The following JARID2 variants were observed in gnomAD, a reference collection of about 807,000 sequenced individuals.
JARID2 encodes protein Jumonji.
Under a neutral mutation model 125.6 loss-of-function variants are expected in JARID2, and 21 were observed. The observed-to-expected ratio is 0.17, with a 90% CI of 0.12 to 0.24. The LOEUF is 0.24. Among genes scored for constraint, JARID2 ranks in the 10% least tolerant of loss-of-function variants. The pLI is 1.00. For synonymous variants in JARID2, 736 were observed against 661.6 expected (o/e 1.11, Z -1.73); for missense variants, 1,303 against 1,639.6 (o/e 0.79, Z 3.55).
intron 1 of JARID2, among the ~76,000 whole-genome samples, chr6:15,301,978 CAA>C (rs1305395649): frequency 6.6e-6 from 1 of 152,142 alleles, no homozygotes; most frequent in Middle Eastern, 3.2e-3. Context: ...AAGTATATGT[CAA>C]GAGAAAGAAT....
chr6:15,324,051 G>A (rs1040242648), intron 1 of JARID2, among the ~76,000 whole-genome samples: 4 of 151,838 alleles, frequency 2.6e-5, no homozygotes, highest in Non-Finnish European at 4.4e-5. Context: ...GCGTGGTGGC[G>A]GGCGCCTGTA....
rs141757673 is a variant in JARID2 at position 15,367,771 on chromosome 6, G to A, written c.46-6346G>A. ...GAGAAATCATGATTATTAAATGCAG[G>A]TGGTGCTGAGCTCACTGCCCAACTC... On this transcript the variant is annotated intron_variant, in intron 1 of 17. Coordinates refer to ENST00000341776, the MANE Select transcript of JARID2 (RefSeq NM_004973.4). Among the ~76,000 whole-genome samples, 98 of 152,302 alleles carry A rather than the reference G, an allele frequency of 6.4e-4. 1 individual carries two copies. The East Asian group carries it at 0.018, about 28-fold the overall frequency.
intron 3 of JARID2, among the ~76,000 whole-genome samples, chr6:15,411,201 C>T (rs182348418): frequency 1.2e-4 from 19 of 152,024 alleles, no homozygotes; most frequent in Non-Finnish European, 2.6e-4. Context: ...AAAAATCCCC[C>T]TTGTCAGTTC....
At chr6:15,495,891 A>G (rs16876519) in intron 6 of JARID2, among the ~76,000 whole-genome samples, 23,045 of 152,260 alleles carry the variant, frequency 0.15, 1,909 homozygotes, top group African/African-American at 0.19. Context: ...GGCAGTTTGC[A>G]TACTTCTGTG....
chr6:15,517,402 G>C lies in JARID2; in HGVS notation c.3558+134G>C, dbSNP rs557526208. ...GGGCTCTGCAGGCCTGAGGTGCCCT[G>C]TTCTTAGGCCCTAAACCCATTCAGG... On this transcript the variant is annotated intron_variant, in intron 17 of 17. Coordinates refer to ENST00000341776, the MANE Select transcript of JARID2 (RefSeq NM_004973.4). 284 of 655,632 alleles carry C rather than the reference G, an allele frequency of 4.3e-4. 3 individuals are homozygous for C. In the South Asian group the frequency reaches 4.8e-3, roughly 11 times the overall value. 40.6% of individuals were successfully genotyped at this position (655,632 alleles called of 1,614,324 possible).
intron 1 of JARID2, among the ~76,000 whole-genome samples, chr6:15,253,168 A>G (rs958810296): frequency 6.6e-6 from 1 of 151,616 alleles, no homozygotes; most frequent in Admixed American, 6.6e-5. Context: ...GGTTCAAGCT[A>G]TTCTCCCGCC....
chr6:15,361,391 A>T (rs1024159823), intron 1 of JARID2, among the ~76,000 whole-genome samples: 1 of 152,142 alleles, frequency 6.6e-6, no homozygotes, highest in Admixed American at 6.5e-5. Flanking sequence ...TCCCATTTAG[A>T]GCAAATTTCT....
chr6:15,326,774 A>G (rs972391684), intron 1 of JARID2, among the ~76,000 whole-genome samples: 1 of 152,216 alleles, frequency 6.6e-6, no homozygotes, highest in Non-Finnish European at 1.5e-5. Context: ...GTTCTGGGAT[A>G]ATAGGCGTCA....
intron 5 of JARID2, among the ~76,000 whole-genome samples, chr6:15,469,551 T>A (rs1371033032): frequency 1.3e-5 from 2 of 150,394 alleles, no homozygotes; most frequent in African/African-American, 2.4e-5. Flanking sequence ...TCCTGCCTCA[T>A]CCTCCTGAGT....
At chr6:15,469,756 C>A (rs1171434047) in intron 5 of JARID2, among the ~76,000 whole-genome samples, 1 of 151,946 alleles carries the variant, frequency 6.6e-6, no homozygotes, top group African/African-American at 2.4e-5. Flanking sequence ...TAGGCAATTC[C>A]CTGACCGAAG....
chr6:15,426,699 A>G (rs1054275607), intron 3 of JARID2, among the ~76,000 whole-genome samples: 4 of 152,194 alleles, frequency 2.6e-5, no homozygotes, highest in African/African-American at 9.7e-5. Flanking sequence ...ACCTTAGTAA[A>G]TGAAAAACAA....
chr6:15,416,008 C>T (rs967838553), intron 3 of JARID2, among the ~76,000 whole-genome samples: 4 of 149,640 alleles, frequency 2.7e-5, no homozygotes, highest in South Asian at 2.1e-4. Context: ...ACCTCCCAGA[C>T]GGGGTCATGG....
At chr6:15,506,405 CA>C in intron 9 of JARID2, among the ~76,000 whole-genome samples, 2 of 152,338 alleles carry the variant, frequency 1.3e-5, no homozygotes, top group East Asian at 3.9e-4. Context: ...AGTCACACAG[CA>C]TTGAGGAAAG....
chr6:15,477,887 G>A (rs1354603857), intron 5 of JARID2, among the ~76,000 whole-genome samples: 2 of 152,148 alleles, frequency 1.3e-5, no homozygotes, highest in African/African-American at 4.8e-5. Context: ...TATCTCAAAT[G>A]CCTGGGGCAC....
At chr6:15,356,225 T>G (rs978838511) in intron 1 of JARID2, among the ~76,000 whole-genome samples, 2 of 152,214 alleles carry the variant, frequency 1.3e-5, no homozygotes, top group Admixed American at 1.3e-4. Context: ...ACAGTTGGGT[T>G]GTTTATACTT....
chr6:15,517,087 G>A (rs1771597890), intron 16 of JARID2, 74 bp from the exon 17 acceptor site: 7 of 1,114,552 alleles, frequency 6.3e-6, no homozygotes, highest in Admixed American at 3.4e-5. Flanking sequence ...CCGGCCGGGC[G>A]TGCTCCTACC....
At chr6:15,333,941 G>C (rs1440532405) in intron 1 of JARID2, among the ~76,000 whole-genome samples, 1 of 152,084 alleles carries the variant, frequency 6.6e-6, no homozygotes, top group East Asian at 1.9e-4. Context: ...AGAATAGAAG[G>C]GTGCTTCCCC....
intron 3 of JARID2, among the ~76,000 whole-genome samples, chr6:15,442,715 T>C (rs1418731098): frequency 2.0e-5 from 3 of 152,196 alleles, no homozygotes; most frequent in South Asian, 2.1e-4. Context: ...CCACTTTAAT[T>C]GTTGATTAAT....
At chr6:15,322,802 T>C (rs899631977) in intron 1 of JARID2, among the ~76,000 whole-genome samples, 9 of 152,236 alleles carry the variant, frequency 5.9e-5, no homozygotes, top group Admixed American at 3.9e-4. Flanking sequence ...GATTTCAGCA[T>C]AGAGAAGAGG....
Sources: gnomAD v4.1 joint callset for allele counts (sites outside exome capture counted in the v4.1 genomes callset) on GRCh38, gnomAD v4.1.1 for gene constraint, MANE v1.5 for transcripts, NCBI Gene and HGNC (gene_info 2026-07-23, HGNC 2026-07-21) for gene names.